The following SPTLC1 variants were observed in gnomAD, a reference collection of about 807,000 sequenced individuals.
The protein encoded by SPTLC1 is serine palmitoyltransferase 1.
SPTLC1 carries 55 observed loss-of-function variants against 68.9 expected under a neutral mutation model. That is an observed-to-expected ratio of 0.80 (90% CI 0.64 to 1.00). SPTLC1 has a LOEUF of 1.00. Ranked by LOEUF, SPTLC1 falls within the 50% of genes least tolerant of loss-of-function variation. SPTLC1 has a pLI of 0.00. For synonymous variants in SPTLC1, 197 were observed against 201.6 expected, an observed-to-expected ratio of 0.98 and a Z score of 0.19; for missense variants, 449 against 573.1, an observed-to-expected ratio of 0.78 and a Z score of 2.21.
At chr9:92,080,290 C>T (rs1834832348) in intron 4 of SPTLC1, among the ~76,000 whole-genome samples, 1 of 152,158 alleles carries the variant, frequency 6.6e-6, no homozygotes, top group Admixed American at 6.5e-5. Flanking sequence ...ACCTGGTTAA[C>T]TTTTCTGCAT....
At chr9:92,111,719 G>A (rs1048643169) in intron 2 of SPTLC1, 3 of 152,280 alleles carry the variant, frequency 2.0e-5, no homozygotes, top group Admixed American at 6.5e-5. Context: ...CATAGCACTT[G>A]TTATTATAGC....
intron 2 of SPTLC1, chr9:92,109,592 CA>C (rs1289929748): frequency 1.3e-5 from 2 of 152,228 alleles, no homozygotes; most frequent in African/African-American, 2.4e-5. Context: ...ATCTACAGCT[CA>C]ACATTCTTTA....
intron 9 of SPTLC1, among the ~76,000 whole-genome samples, chr9:92,048,047 C>T (rs1458404635): frequency 6.6e-6 from 1 of 152,138 alleles, no homozygotes; most frequent in Non-Finnish European, 1.5e-5. Flanking sequence ...ACTATTTCCT[C>T]GCTAAAACAG....
chr9:92,104,861 C>G (rs1311466444), intron 3 of SPTLC1: 1 of 1,530,622 alleles, frequency 6.5e-7, no homozygotes, highest in Non-Finnish European at 8.7e-7. Flanking sequence ...AGAAAACAAC[C>G]AGACTGACAA....
chr9:92,093,441 A>G (rs978878301), intron 3 of SPTLC1, among the ~76,000 whole-genome samples: 2 of 152,206 alleles, frequency 1.3e-5, no homozygotes, highest in African/African-American at 4.8e-5. Context: ...GTAAAACTGT[A>G]AGTCCAAAAA....
At chr9:92,036,197 T>C (rs539049015) in intron 13 of SPTLC1, among the ~76,000 whole-genome samples, 2 of 152,212 alleles carry the variant, frequency 1.3e-5, no homozygotes, top group Non-Finnish European at 2.9e-5. Context: ...CCCAGATTGT[T>C]CTCTTCTCAC....
intron 12 of SPTLC1, among the ~76,000 whole-genome samples, chr9:92,042,408 T>C (rs1359410404): frequency 6.6e-6 from 1 of 152,176 alleles, no homozygotes; most frequent in Non-Finnish European, 1.5e-5. Flanking sequence ...ACTAAGAGTT[T>C]AGAAAGACTC....
At chr9:92,109,933 A>G (rs1018619663) in intron 2 of SPTLC1, 8 of 152,322 alleles carry the variant, frequency 5.3e-5, no homozygotes, top group African/African-American at 1.9e-4. Flanking sequence ...AGATTGCGCC[A>G]TTGCACTCCA....
chr9:92,052,412 T>C (rs977426170), intron 8 of SPTLC1, among the ~76,000 whole-genome samples: 2 of 152,132 alleles, frequency 1.3e-5, no homozygotes, highest in Non-Finnish European at 2.9e-5. Context: ...CATCAACGCA[T>C]ACGCAAAAAT....
chr9:92,066,193 T>C (rs1376450277), intron 6 of SPTLC1, among the ~76,000 whole-genome samples: 3 of 151,910 alleles, frequency 2.0e-5, no homozygotes, highest in Non-Finnish European at 2.9e-5. Flanking sequence ...AAAAGTACAG[T>C]AAGTATGAAG....
intron 14 of SPTLC1, among the ~76,000 whole-genome samples, chr9:92,033,254 T>A (rs907452805): frequency 2.0e-5 from 3 of 152,248 alleles, no homozygotes; most frequent in Admixed American, 6.5e-5. Context: ...AATTCCATCC[T>A]TCTCAAATCA....
chr9:92,081,156 AT>A (rs200268939), intron 3 of SPTLC1, among the ~76,000 whole-genome samples, 193 bp from the exon 4 acceptor site: 376 of 152,290 alleles, frequency 2.5e-3, no homozygotes, highest in African/African-American at 8.3e-3. Flanking sequence ...CATTAATTTT[AT>A]TTTTAATAAA....
chr9:92,082,173 A>G (rs1430059704), intron 3 of SPTLC1, among the ~76,000 whole-genome samples: 1 of 152,160 alleles, frequency 6.6e-6, no homozygotes, highest in African/African-American at 2.4e-5. Flanking sequence ...TGCCTGGCTC[A>G]TAAGAGGTGC....
chr9:92,076,993 G>A (rs1177483077), intron 5 of SPTLC1: 2 of 152,096 alleles, frequency 1.3e-5, no homozygotes, highest in Non-Finnish European at 2.9e-5. Context: ...CCAAGCCCTC[G>A]GTATTCAATG....
intron 3 of SPTLC1, 97 bp from the exon 4 acceptor site, chr9:92,081,060 C>A: frequency 1.1e-6 from 1 of 887,180 alleles, no homozygotes; most frequent in Non-Finnish European, 1.9e-6. Context: ...GTGTTGTCAT[C>A]CTACCCTATT....
chr9:92,101,157 A>C (rs1835733950), intron 3 of SPTLC1, among the ~76,000 whole-genome samples: 1 of 152,240 alleles, frequency 6.6e-6, no homozygotes, highest in Non-Finnish European at 1.5e-5. Flanking sequence ...TATTGATCTT[A>C]AGAAAATTCA....
Position 92,112,452 on chromosome 9 carries a change from T to C in SPTLC1, c.165+3A>G. ...TAATTAAAACAGAGATTTAATTTCG[T>C]ACCTTGACTGTAAGATCAGATCGTT... On this transcript the variant is annotated splice_donor_region_variant and intron_variant, in intron 2 of 14. Coordinates refer to ENST00000262554, the MANE Select transcript of SPTLC1 (RefSeq NM_006415.4). 6.3e-7 allele frequency: 1 copy of C among 1,580,144 alleles called. No homozygotes were observed. The highest frequency in any genetic ancestry group is 8.7e-7 in the Non-Finnish European group (1 of 1,151,252).
At chr9:92,096,236 A>G (rs530473463) in intron 3 of SPTLC1, among the ~76,000 whole-genome samples, 1 of 152,304 alleles carries the variant, frequency 6.6e-6, no homozygotes, top group South Asian at 2.1e-4. Flanking sequence ...CAAATAAACG[A>G]ACAGGTCCCT....
At chr9:92,059,150 CT>C (rs1490152846) in intron 7 of SPTLC1, 28 bp downstream of exon 7, 15 of 1,610,246 alleles carry the variant, frequency 9.3e-6, no homozygotes, top group African/African-American at 1.3e-5. Flanking sequence ...TACAAAAGAA[CT>C]GTATAATTTT....
Sources: gnomAD v4.1 joint callset for allele counts (sites outside exome capture counted in the v4.1 genomes callset) on GRCh38, gnomAD v4.1.1 for gene constraint, MANE v1.5 for transcripts, NCBI Gene and HGNC (gene_info 2026-07-23, HGNC 2026-07-21) for gene names.